The following CADM2 variants were observed in gnomAD, a reference collection of about 807,000 sequenced individuals.
The protein encoded by CADM2 is immunoglobulin superfamily member 4D.
A neutral mutation model predicts 49.8 loss-of-function variants in CADM2; 12 were observed. That is an observed-to-expected ratio of 0.24 (90% CI 0.15 to 0.39). The LOEUF (loss-of-function observed/expected upper bound fraction) is 0.39. CADM2 is among the 10% of genes least tolerant of loss of function. CADM2 has a pLI of 1.00. For synonymous variants in CADM2, 214 were observed against 175.4 expected (o/e 1.22, Z -1.74); for missense variants, 378 against 492.3 (o/e 0.77, Z 2.20).
intron 6 of CADM2, among the ~76,000 whole-genome samples, chr3:85,928,366 G>T (rs1401309187): frequency 6.6e-6 from 1 of 151,864 alleles, no homozygotes; most frequent in Non-Finnish European, 1.5e-5. Flanking sequence ...ACCATGTTGG[G>T]CAGAATAGTC....
chr3:85,314,347 G>A (rs1467111498), intron 1 of CADM2, among the ~76,000 whole-genome samples: 1 of 150,820 alleles, frequency 6.6e-6, no homozygotes, highest in Non-Finnish European at 1.5e-5. Flanking sequence ...CCACACTGTT[G>A]CAATTTTCTG....
At chr3:85,295,509 T>C (rs1359379735) in intron 1 of CADM2, among the ~76,000 whole-genome samples, 1 of 152,026 alleles carries the variant, frequency 6.6e-6, no homozygotes, top group Admixed American at 6.6e-5. Context: ...TATTGCGGCA[T>C]TATTCACAAT....
chr3:85,625,798 T>G (rs984008119), intron 1 of CADM2, among the ~76,000 whole-genome samples: 26 of 151,952 alleles, frequency 1.7e-4, no homozygotes, highest in African/African-American at 6.3e-4. Context: ...AAAATAAAGT[T>G]TCTCCCTGCT....
At chr3:84,988,814 G>C (rs2032729878) in intron 1 of CADM2, among the ~76,000 whole-genome samples, 1 of 152,022 alleles carries the variant, frequency 6.6e-6, no homozygotes, top group South Asian at 2.1e-4. Context: ...TCAAAATCAT[G>C]TATTACCTAT....
chr3:85,857,581 G>T (rs1054632570), intron 3 of CADM2, among the ~76,000 whole-genome samples: 4 of 152,118 alleles, frequency 2.6e-5, no homozygotes, highest in Non-Finnish European at 1.5e-5. Flanking sequence ...GGGCTCAAGT[G>T]ATCCTCCCAC....
chr3:85,577,497 C>G (rs961731343), intron 1 of CADM2, among the ~76,000 whole-genome samples: 2 of 152,092 alleles, frequency 1.3e-5, no homozygotes, highest in African/African-American at 4.8e-5. Context: ...AGATGCAGCC[C>G]CCTCAACCTT....
At chr3:86,052,310 T>G (rs1737438840) in intron 8 of CADM2, among the ~76,000 whole-genome samples, 2 of 152,140 alleles carry the variant, frequency 1.3e-5, no homozygotes, top group African/African-American at 4.8e-5. Flanking sequence ...TCTGGGACAT[T>G]CTTAGGTATT....
chr3:85,795,597 T>C (rs1021370372), intron 2 of CADM2, among the ~76,000 whole-genome samples: 3 of 152,198 alleles, frequency 2.0e-5, no homozygotes, highest in African/African-American at 7.2e-5. Context: ...CTAGTGTATA[T>C]TAAATATCTG....
intron 3 of CADM2, among the ~76,000 whole-genome samples, chr3:85,835,453 G>A (rs1309180440): frequency 1.3e-5 from 2 of 150,690 alleles, no homozygotes; most frequent in Non-Finnish European, 3.0e-5. Context: ...AAGAAGCTTT[G>A]CTATGTACTG....
At chr3:85,599,734 G>A (rs565129388) in intron 1 of CADM2, among the ~76,000 whole-genome samples, 2 of 151,924 alleles carry the variant, frequency 1.3e-5, no homozygotes, top group East Asian at 1.9e-4. Flanking sequence ...GATTTTAGAT[G>A]TATAGGATTC....
chr3:85,116,520 T>C lies in CADM2; in HGVS notation c.61+156852T>C, dbSNP rs111894925. Among the ~76,000 whole-genome samples the C allele has an allele frequency of 4.1e-3, 626 of 152,360 alleles. 7 individuals are homozygous for C. The highest frequency in any genetic ancestry group is 0.014 in the African/African-American group (594 of 41,592). On this transcript the variant is annotated intron_variant, in intron 1 of 9. Transcript: ENST00000383699. ...TCATTAATAAAAAGTGATATTGTTA[T>C]ATGAGTCAAAGTTAGTGAAAGAATT...
Position 85,104,005 on chromosome 3 carries a change from A to G in CADM2, c.61+144337A>G, listed in dbSNP as rs111329260. On this transcript the variant is annotated intron_variant, in intron 1 of 9. Coordinates refer to ENST00000383699, the MANE Select transcript of CADM2 (RefSeq NM_001167675.2). ...AAAAGTGAGATGTAAAAGAATAATT[A>G]GAAAGCTGTTCAATTTATTTTGCTG... Among the ~76,000 whole-genome samples, 154 of 152,294 alleles carry G rather than the reference A, an allele frequency of 1.0e-3. 1 individual carries two copies. Among genetic ancestry groups the G allele is most frequent in the African/African-American group, 3.6e-3 (151 of 41,574 alleles).
intron 3 of CADM2, among the ~76,000 whole-genome samples, chr3:85,834,977 G>A (rs189288654): frequency 1.3e-5 from 2 of 151,656 alleles, no homozygotes; most frequent in Non-Finnish European, 3.0e-5. Flanking sequence ...TCAATGTGTG[G>A]CTATATGTGA....
chr3:85,165,672 G>C (rs1056435604), intron 1 of CADM2, among the ~76,000 whole-genome samples: 4 of 151,776 alleles, frequency 2.6e-5, no homozygotes, highest in Non-Finnish European at 5.9e-5. Context: ...TGAAGACACA[G>C]AGTTTATATA....
intron 1 of CADM2, among the ~76,000 whole-genome samples, chr3:85,553,379 T>G (rs2061866046): frequency 6.6e-6 from 1 of 152,192 alleles, no homozygotes; most frequent in African/African-American, 2.4e-5. Context: ...AAATGTAACT[T>G]TCCCAATGAT....
intron 1 of CADM2, among the ~76,000 whole-genome samples, chr3:85,620,856 C>A (rs1056173713): frequency 3.9e-5 from 6 of 152,126 alleles, no homozygotes; most frequent in Non-Finnish European, 8.8e-5. Flanking sequence ...TAGTCTCTAA[C>A]TTTAACCAAG....
At chr3:85,511,963 G>A in intron 1 of CADM2, 1 of 767,364 alleles carries the variant, frequency 1.3e-6, no homozygotes, top group Non-Finnish European at 1.6e-6. Flanking sequence ...ATATATATGT[G>A]GTTTTGAAAA....
intron 8 of CADM2, among the ~76,000 whole-genome samples, chr3:85,967,704 T>G (rs367870675): frequency 7.9e-5 from 12 of 151,646 alleles, no homozygotes; most frequent in African/African-American, 2.9e-4. Context: ...CCCTGCAACG[T>G]GCATTTACTA....
At position 85,863,945 on chromosome 3, in the gene CADM2, G is replaced by A. The variant is rs538714986; in HGVS notation, c.239-19346G>A. ...TGGACTGGAGACGTGGGAGTTGGTG[G>A]TCAGCAAGTAGCATGTGTGGAATAT... On this transcript the variant is annotated intron_variant, in intron 3 of 9. Coordinates refer to ENST00000383699, the MANE Select transcript of CADM2 (RefSeq NM_001167675.2). Among the ~76,000 whole-genome samples, 4 of 152,278 alleles carry A rather than the reference G, an allele frequency of 2.6e-5. No individual in the cohort carries two copies. In the South Asian group the frequency reaches 8.3e-4, roughly 32 times the overall value.
Sources: gnomAD v4.1 joint callset for allele counts (sites outside exome capture counted in the v4.1 genomes callset) on GRCh38, gnomAD v4.1.1 for gene constraint, MANE v1.5 for transcripts, NCBI Gene and HGNC (gene_info 2026-07-23, HGNC 2026-07-21) for gene names.